KLHL30: variants seen among roughly 807,000 people sequenced by gnomAD.
KLHL30 encodes the protein kelch like family member 30.
In KLHL30, 55 loss-of-function variants were observed where a neutral mutation model predicts 55.0. That is an observed-to-expected ratio of 1.00 (90% CI 0.80 to 1.25). The LOEUF is 1.25. Ranked by LOEUF, KLHL30 falls within the 50% of genes most tolerant of loss-of-function variation. The pLI is 0.00. For synonymous variants in KLHL30, 356 were observed against 372.6 expected, an observed-to-expected ratio of 0.96 and a Z score of 0.51; for missense variants, 786 against 811.6, an observed-to-expected ratio of 0.97 and a Z score of 0.38.
At chr2:238,144,408 A>AGGCAGGC (rs1692600530) in intron 3 of KLHL30, among the ~76,000 whole-genome samples, 5 of 119,484 alleles carry the variant, frequency 4.2e-5, no homozygotes, top group African/African-American at 1.7e-4. Flanking sequence ...GGAAGGAAGG[A>AGGCAGGC]AGGAAGGAAG....
chr2:238,148,286 A>G (rs1375158906), intron 6 of KLHL30, among the ~76,000 whole-genome samples: 2 of 144,160 alleles, frequency 1.4e-5, no homozygotes, highest in African/African-American at 5.0e-5. Flanking sequence ...GCCTTAGGGC[A>G]GCAGTGGGCT....
At chr2:238,143,963 C>T (rs1010533825) in intron 3 of KLHL30, among the ~76,000 whole-genome samples, 4 of 152,252 alleles carry the variant, frequency 2.6e-5, no homozygotes, top group African/African-American at 9.6e-5. Flanking sequence ...TCCTAGGGGA[C>T]ATCCCAAAGG....
chr2:238,144,247 G>C (rs1365096954), intron 3 of KLHL30, among the ~76,000 whole-genome samples: 1 of 152,178 alleles, frequency 6.6e-6, no homozygotes, highest in African/African-American at 2.4e-5. Context: ...AGGAAACTGA[G>C]GCTGGGGTTT....
rs750670516 is a variant in KLHL30, at chr2:238,141,294, C to T, written c.540C>T (p.Val180=). The T allele has an allele frequency of 6.9e-6, 11 of 1,599,588 alleles. No individual in the cohort carries two copies. The East Asian group carries it at 2.5e-4, about 36-fold the overall frequency. The change falls in exon 2 of 8, where the codon GTC becomes GTT. Residue 180 remains valine, a synonymous_variant. Transcript: ENST00000409223. ...TGCAGCTTCCCCGAGAGCGGCTGGTCACTTGTCTGGCCGGCGACCTGCTGC... is the reference window on the plus strand; with the variant it reads ...TGCAGCTTCCCCGAGAGCGGCTGGTTACTTGTCTGGCCGGCGACCTGCTGC... ...EFLQLPRERL[V]TCLAGDLLQV...
chr2:238,146,130 C>T (rs1692644148), intron 5 of KLHL30, among the ~76,000 whole-genome samples: 1 of 152,092 alleles, frequency 6.6e-6, no homozygotes, highest in Admixed American at 6.5e-5. Context: ...CCTGCAGGAG[C>T]AGCCAGTGGG....
intron 2 of KLHL30, among the ~76,000 whole-genome samples, chr2:238,142,269 G>T (rs1478465812): frequency 6.6e-6 from 1 of 152,200 alleles, no homozygotes; most frequent in East Asian, 1.9e-4. Flanking sequence ...CCTAACCCCT[G>T]TCCCCACTGG....
Position 238,140,776 on chromosome 2 carries a change from C to G in KLHL30, c.22C>G (p.Leu8Val). Residue 8 changes from leucine to valine, a missense_variant, in exon 2 of 8, where the codon CTG becomes GTG. By Grantham distance (32) the Leu-to-Val change is conservative. Coordinates refer to ENST00000409223, the MANE Select transcript of KLHL30 (RefSeq NM_198582.4). Reference protein sequence around the residue: MVRNVDDLDFHLPSHAQD... With the variant: MVRNVDDVDFHLPSHAQD... ...CGTCATGGTGCGGAACGTGGATGAC[C>G]TGGATTTCCACCTGCCCTCGCATGC... is the stretch of plus-strand genomic sequence containing the variant. 6.4e-7 allele frequency: 1 copy of G among 1,553,092 alleles called. No individual in the cohort carries two copies. The highest frequency in any genetic ancestry group is 8.7e-7 in the Non-Finnish European group (1 of 1,144,820).
chr2:238,139,554 G>T (rs1358075755), intron 1 of KLHL30, among the ~76,000 whole-genome samples: 1 of 152,174 alleles, frequency 6.6e-6, no homozygotes. Context: ...GGGTCAAGAG[G>T]TGGCACCGGG....
rs550688897 is a variant in KLHL30 at position 238,151,830 on chromosome 2, G to A, written c.*765G>A. On this transcript the variant is annotated 3_prime_UTR_variant, in exon 8 of 8. Transcript: ENST00000409223. ...TTTGCTCTCAGAAGGGATTGCCTCC[G>A]TCTCTGTGTGTCAGAACAAAGGCTC... The A allele has an allele frequency of 1.9e-5, 18 of 970,842 alleles. No homozygotes were observed. The African/African-American group carries it at 1.9e-4, about 10-fold the overall frequency. 60.1% of individuals were successfully genotyped at this position (970,842 alleles called of 1,614,324 possible).
chr2:238,139,084 C>T (rs1023789702), intron 1 of KLHL30, among the ~76,000 whole-genome samples: 1 of 152,170 alleles, frequency 6.6e-6, no homozygotes, highest in African/African-American at 2.4e-5. Flanking sequence ...TTCCTCACTC[C>T]GGGCCTGGGC....
At chr2:238,143,529 C>T (rs1202375140) in intron 3 of KLHL30, among the ~76,000 whole-genome samples, 1 of 152,216 alleles carries the variant, frequency 6.6e-6, no homozygotes, top group Non-Finnish European at 1.5e-5. Context: ...TGCCATTTGG[C>T]GGGAAAGGAG....
In KLHL30 at chr2:238,147,967, C is replaced by T. The variant is rs1382951799; in HGVS notation, c.1284C>T (p.Gly428=). The part of the protein sequence containing the change: ...AGCRGRLYLV[G]SSACKYNALA... ...GCCGGGGCCGGCTCTACCTGGTGGG[C>T]TCCAGCGCCTGCAAGTACAACGCCC... is the stretch of plus-strand genomic sequence containing the variant. The change falls in exon 6 of 8, where the codon GGC becomes GGT. Residue 428 remains glycine, a synonymous_variant. Transcript: ENST00000409223. The surrounding 1 kb of genome is among the most constrained non-coding windows in gnomAD (Gnocchi z 5.8). 1.3e-6 allele frequency: 2 copies of T among 1,564,570 alleles called. No individual in the cohort carries two copies. Among genetic ancestry groups the T allele is most frequent in the Non-Finnish European group, 1.7e-6 (2 of 1,156,232 alleles).
Position 238,147,733 on chromosome 2 carries a change from C to T in KLHL30, c.1151-101C>T. On this transcript the variant is annotated intron_variant, in intron 5 of 7. Coordinates refer to ENST00000409223, the MANE Select transcript of KLHL30 (RefSeq NM_198582.4). This position sits in a 1 kb window ranked among gnomAD's most constrained non-coding sequence, Gnocchi z 5.8. ...TGTCTGTGAAATGGGGAGCCCACCCCACCTCCCACCACTTTGCTGCCTTAC... is the reference window on the plus strand; with the variant it reads ...TGTCTGTGAAATGGGGAGCCCACCCTACCTCCCACCACTTTGCTGCCTTAC... 1.5e-6 allele frequency: 1 copy of T among 685,070 alleles called. No homozygotes were observed. The highest frequency in any genetic ancestry group is 4.2e-5 in the Admixed American group (1 of 23,676). The allele number at this position is 685,070 out of a possible 1,614,324, so 42.4% of individuals were successfully genotyped here.
intron 5 of KLHL30, 89 bp downstream of exon 5, chr2:238,145,921 C>T (rs1692640637): frequency 1.5e-6 from 2 of 1,360,852 alleles, no homozygotes; most frequent in South Asian, 1.5e-5. Context: ...ATGCTGGCCT[C>T]GGAGACCACG....
At position 238,144,796 on chromosome 2, in the gene KLHL30, G is replaced by T. The variant is rs1010911696; in HGVS notation, c.908-106G>T. The T allele has an allele frequency of 4.8e-6, 4 of 838,370 alleles. No individual in the cohort carries two copies. In the African/African-American group the frequency reaches 6.7e-5, roughly 14 times the overall value. 51.9% of individuals were successfully genotyped at this position (838,370 alleles called of 1,614,324 possible). ...CTCCCTTTCCCCACCAGTGAGGGGG[G>T]CATTTCTGCACCCGGTGCATGGAAA... On this transcript the variant is annotated intron_variant, in intron 3 of 7. Transcript: ENST00000409223.
chr2:238,149,204 C>T, intron 7 of KLHL30, 52 bp downstream of exon 7: 6 of 1,601,202 alleles, frequency 3.7e-6, no homozygotes, highest in East Asian at 2.2e-5. Flanking sequence ...GGACTCCTGA[C>T]ATCAGAGAGC....
rs1350748255 is a variant in KLHL30 at position 238,141,138 on chromosome 2, G to C, written c.384G>C (p.Gln128His). 6.2e-7 allele frequency: 1 copy of C among 1,611,498 alleles called. No homozygotes were observed. The highest frequency in any genetic ancestry group is 1.7e-5 in the Admixed American group (1 of 59,950). ...VQKVCGRYLQ[Q>H]QLDAANCLGI... ...AGGTCTGCGGCCGCTACCTGCAGCA[G>C]CAACTGGATGCCGCCAACTGCCTGG... The change falls in exon 2 of 8, where the codon CAG becomes CAC. Residue 128 changes from glutamine to histidine, a missense_variant. By Grantham distance (24) the Gln-to-His change is conservative. Transcript: ENST00000409223.
rs11442034 is a variant in KLHL30, at chr2:238,147,146, C to CAA, written c.1151-675_1151-674dup. Reference sequence around the variant, plus strand: ...TGGGTGACCGAGCAAGACCCTGTCTCAAAAAAAAAAAAAAGAAAGAAAAGA... The same window carrying CAA: ...TGGGTGACCGAGCAAGACCCTGTCTCAAAAAAAAAAAAAAAAGAAAGAAAAGA... On this transcript the variant is annotated intron_variant, in intron 5 of 7. Transcript: ENST00000409223. The surrounding 1 kb of genome is among the most constrained non-coding windows in gnomAD (Gnocchi z 5.8). Among the ~76,000 whole-genome samples the CAA allele has an allele frequency of 3.5e-4, 46 of 133,258 alleles. No individual in the cohort carries two copies. Among genetic ancestry groups the CAA allele is most frequent in the East Asian group, 1.5e-3 (7 of 4,654 alleles). 87.4% of individuals were successfully genotyped at this position (133,258 alleles called of 152,430 possible).
chr2:238,141,086 C>A lies in KLHL30; in HGVS notation c.332C>A (p.Ala111Glu), dbSNP rs539598913. ...GNVEALTRTA[A>E]RLHFPSVQKV... The stretch of plus-strand genomic sequence containing the variant: ...GTGGAGGCGCTGACACGCACGGCTG[C>A]GCGCCTGCACTTCCCCTCGGTGCAG... The change falls in exon 2 of 8, where the codon GCG (alanine) becomes GAG (glutamate). Residue 111 changes from alanine (A) to glutamate (E), a missense_variant. Ala to Glu is a moderately radical substitution (Grantham distance 107). Transcript: ENST00000409223. The A allele has an allele frequency of 6.2e-7, 1 of 1,608,238 alleles. No individual in the cohort carries two copies. The highest frequency in any genetic ancestry group is 1.3e-5 in the African/African-American group (1 of 74,860).
Sources: gnomAD v4.1 joint callset for allele counts (sites outside exome capture counted in the v4.1 genomes callset) on GRCh38, gnomAD v4.1.1 for gene constraint, Gnocchi (gnomAD v3.1) non-coding constraint, MANE v1.5 for transcripts, NCBI Gene and HGNC (gene_info 2026-07-23, HGNC 2026-07-21) for gene names.